Variants in TMEM80 observed in about 807,000 individuals in gnomAD.
TMEM80 encodes transmembrane protein 80.
In TMEM80, 16 loss-of-function variants were observed where a neutral mutation model predicts 13.6. That is an observed-to-expected ratio of 1.17 (90% CI 0.79 to 1.78). TMEM80 has a LOEUF of 1.78. Among genes scored for constraint, TMEM80 ranks in the 40% most tolerant of loss-of-function variants. The pLI, the probability that TMEM80 is intolerant of heterozygous loss-of-function variation, is 0.00. For missense variants in TMEM80, 167 were observed against 184.6 expected (o/e 0.90, Z 0.55); for synonymous variants, 92 against 89.5 (o/e 1.03, Z -0.16).
chr11:699,193 T>A, intron 2 of TMEM80: 1 of 472,090 alleles, frequency 2.1e-6, no homozygotes, highest in South Asian at 3.9e-5. Context: ...AATCCCTCAC[T>A]TTGTCCCTAG....
At chr11:695,931 G>C in intron 1 of TMEM80, 85 bp downstream of exon 1, 1 of 1,071,640 alleles carries the variant, frequency 9.3e-7, no homozygotes. Context: ...TTCCGCTTTC[G>C]GTGCGCTCAC....
At chr11:695,736 C>A, upstream of TMEM80, 2 of 1,240,374 alleles carry the variant, frequency 1.6e-6, no homozygotes, top group Non-Finnish European at 2.0e-6. Flanking sequence ...CGGGCCCCTT[C>A]GTCAGGAGAC....
rs1389768725 is a variant in TMEM80 at position 698,904 on chromosome 11, C to G, written c.39+16C>G. 1.2e-6 allele frequency: 2 copies of G among 1,614,020 alleles called. No individual in the cohort carries two copies. The highest frequency in any genetic ancestry group is 2.2e-5 in the East Asian group (1 of 44,886). On this transcript the variant is annotated intron_variant, in intron 2 of 4. Transcript: ENST00000397510. Reference sequence around the variant, plus strand: ...CTCCACAGTGGTATCCTGCTGCGTGCCCCTCCAGGACAGCACCCAGAGGCC... The same window carrying G: ...CTCCACAGTGGTATCCTGCTGCGTGGCCCTCCAGGACAGCACCCAGAGGCC...
chr11:697,016 G>T (rs955906116), intron 1 of TMEM80, among the ~76,000 whole-genome samples: 3 of 148,486 alleles, frequency 2.0e-5, no homozygotes, highest in Admixed American at 6.8e-5. Context: ...TGGTGGTGGT[G>T]GGGGGGGTGG....
At chr11:699,886 C>T in intron 2 of TMEM80, 1 of 465,528 alleles carries the variant, frequency 2.1e-6, no homozygotes, top group East Asian at 3.7e-5. Context: ...GTCAGGAGGG[C>T]AGGGGCTGCA....
downstream of TMEM80, chr11:704,276 G>A (rs574369845): frequency 2.1e-5 from 15 of 721,470 alleles, no homozygotes; most frequent in African/African-American, 2.6e-4. Flanking sequence ...GTGGACTCCT[G>A]AGGGCAGGAG....
upstream of TMEM80, chr11:695,808 C>G (rs1590029945): frequency 8.1e-7 from 1 of 1,232,810 alleles, no homozygotes; most frequent in East Asian, 3.2e-5. Flanking sequence ...CGCGACGGAC[C>G]GGCGGGCGGG....
chr11:696,978 C>CT (rs909690526), intron 1 of TMEM80, among the ~76,000 whole-genome samples: 7 of 144,474 alleles, frequency 4.8e-5, no homozygotes, highest in Non-Finnish European at 6.0e-5. Flanking sequence ...ACTTGAGAGT[C>CT]TGAGGCAGGA....
chr11:695,823 G>T lies in TMEM80; in HGVS notation c.-5G>T. The T allele has an allele frequency of 2.4e-6, 3 of 1,231,368 alleles. No homozygotes were observed. The highest frequency in any genetic ancestry group is 3.0e-6 in the Non-Finnish European group (3 of 986,748). The allele number at this position is 1,231,368 out of a possible 1,614,324, so 76.3% of individuals were successfully genotyped here. The stretch of plus-strand genomic sequence containing the variant: ...CGCGACGGACCGGCGGGCGGGGCGG[G>T]TAAGATGGCGGCCCCGCGGCGAGGT... On this transcript the variant is annotated 5_prime_UTR_variant, in exon 1 of 5. Coordinates refer to ENST00000397510, the MANE Select transcript of TMEM80 (RefSeq NM_001042463.3).
chr11:700,739 G>T, intron 4 of TMEM80, 32 bp downstream of exon 4: 1 of 1,555,836 alleles, frequency 6.4e-7, no homozygotes, highest in Non-Finnish European at 8.9e-7. Flanking sequence ...TGAAGAACCT[G>T]TCCTAAGAGT....
Position 700,180 on chromosome 11 carries a change from C to A in TMEM80, c.78C>A (p.Ser26Arg). ...CCCTTCAAATGCTGTTTTATCTCAG[C>A]GGAACGTACTACGCCCTGTATTTCC... ...SVPLQMLFYL[S>R]GTYYALYFLA... Residue 26 changes from serine (S) to arginine (R), a missense_variant, in exon 3 of 5, where the codon AGC (serine) becomes AGA (arginine). By Grantham distance (110) the Ser-to-Arg change is moderately radical. Transcript: ENST00000397510. 1 of 1,614,130 alleles carries A rather than the reference C, an allele frequency of 6.2e-7. No individual in the cohort carries two copies.
chr11:698,188 C>T (rs80284036), intron 1 of TMEM80, among the ~76,000 whole-genome samples: 69 of 152,230 alleles, frequency 4.5e-4, no homozygotes, highest in African/African-American at 1.5e-3. Flanking sequence ...ACAATTAGTC[C>T]GCTCCAGGTC....
At chr11:704,165 C>T (rs1018858134), downstream of TMEM80, 15 of 1,094,318 alleles carry the variant, frequency 1.4e-5, no homozygotes, top group Non-Finnish European at 1.6e-5. Flanking sequence ...CACCCCATCT[C>T]CAGTTCTCCT....
At chr11:699,891 G>A (rs1849468365) in intron 2 of TMEM80, 1 of 481,622 alleles carries the variant, frequency 2.1e-6, no homozygotes. Flanking sequence ...GAGGGCAGGG[G>A]CTGCAGTGCA....
chr11:699,111 C>A (rs1861330266), intron 2 of TMEM80: 1 of 540,082 alleles, frequency 1.9e-6, no homozygotes, highest in Non-Finnish European at 3.3e-6. Context: ...AGTGGCTAAG[C>A]ACGCCACACT....
chr11:695,704 C>A, upstream of TMEM80: 1 of 1,242,086 alleles, frequency 8.1e-7, no homozygotes, highest in Non-Finnish European at 1.0e-6. Flanking sequence ...CTCGGACGTC[C>A]GCTCCCGAAA....
chr11:702,421 G>A (rs955084273), intron 4 of TMEM80, among the ~76,000 whole-genome samples: 7 of 152,212 alleles, frequency 4.6e-5, no homozygotes, highest in African/African-American at 9.7e-5. Context: ...CTAGGCCAAC[G>A]GGACCCTCCC....
chr11:701,612 T>C (rs534810346), intron 4 of TMEM80, among the ~76,000 whole-genome samples: 5 of 151,934 alleles, frequency 3.3e-5, no homozygotes, highest in African/African-American at 1.2e-4. Context: ...GGTTTCACCA[T>C]GTTAGCCAGG....
intron 2 of TMEM80, chr11:699,876 G>T (rs1452897061): frequency 2.2e-6 from 1 of 453,440 alleles, no homozygotes; most frequent in African/African-American, 2.0e-5. Context: ...CCTGTCCACA[G>T]TCAGGAGGGC....
Sources: gnomAD v4.1 joint callset for allele counts (sites outside exome capture counted in the v4.1 genomes callset) on GRCh38, gnomAD v4.1.1 for gene constraint, MANE v1.5 for transcripts, NCBI Gene and HGNC (gene_info 2026-07-23, HGNC 2026-07-21) for gene names.